CCDC66: variants seen among roughly 807,000 people sequenced by gnomAD.
CCDC66 encodes the protein coiled-coil domain containing 66.
Under a neutral mutation model 128.3 loss-of-function variants are expected in CCDC66, and 133 were observed. The ratio of observed to expected loss-of-function variants is 1.04; its 90% confidence interval spans 0.90 to 1.20. The LOEUF (loss-of-function observed/expected upper bound fraction) is 1.20. Among genes scored for constraint, CCDC66 ranks in the 50% most tolerant of loss-of-function variants. The pLI, the probability that CCDC66 is intolerant of heterozygous loss-of-function variation, is 0.00. For synonymous variants in CCDC66, 387 were observed against 357.0 expected (o/e 1.08, Z -0.95); for missense variants, 1,126 against 1,075.5 (o/e 1.05, Z -0.66).
Position 56,603,582 on chromosome 3 carries a change from G to A in CCDC66, c.1404+9554G>A, listed in dbSNP as rs1024798690. Among the ~76,000 whole-genome samples the A allele has an allele frequency of 6.6e-5, 10 of 152,028 alleles. 1 individual carries two copies. Among genetic ancestry groups the A allele is most frequent in the Admixed American group, 1.3e-4 (2 of 15,256 alleles). On this transcript the variant is annotated intron_variant, in intron 10 of 17. Coordinates refer to ENST00000394672, the MANE Select transcript of CCDC66 (RefSeq NM_001141947.3). ...CAGGAGCAGGTTGGTCATTTTCCAC[G>A]TAGTTGAGCGGTTTTGAGTGAGTTT...
chr3:56,574,360 T>C (rs1449961480), intron 7 of CCDC66, among the ~76,000 whole-genome samples: 1 of 37,970 alleles, frequency 2.6e-5, no homozygotes, highest in Non-Finnish European at 6.9e-5. Context: ...AGACTCTGTC[T>C]CAAAAAAAAA....
In CCDC66 at chr3:56,617,475, T is replaced by C. The variant is rs1234789296; in HGVS notation, c.2207T>C (p.Met736Thr). 3.7e-6 allele frequency: 6 copies of C among 1,613,940 alleles called. No homozygotes were observed. Among genetic ancestry groups the C allele is most frequent in the Non-Finnish European group, 5.1e-6 (6 of 1,179,998 alleles). ...QREEKKVRRQ[M>T]ELLHLVEKNN... ...GAAGAAAAAAAAGTAAGGAGGCAGA[T>C]GGAATTGCTTCATTTGGTAGAAAAA... Residue 736 changes from methionine (M) to threonine (T), a missense_variant, in exon 14 of 18, where the codon ATG becomes ACG. Physicochemically the swap from Met to Thr is moderately conservative, Grantham distance 81. Transcript: ENST00000394672.
chr3:56,566,988 T>C lies in CCDC66; in HGVS notation c.749T>C (p.Leu250Pro). 1 of 1,614,122 alleles carries C rather than the reference T, an allele frequency of 6.2e-7. No homozygotes were observed. The highest frequency in any genetic ancestry group is 8.5e-7 in the Non-Finnish European group (1 of 1,179,990). The stretch of plus-strand genomic sequence containing the variant: ...AAACCAGCTGATATATTCAGTACTC[T>C]GGGGGAAAGGGAATGTGATAGAAGT... Reference protein sequence around the residue: ...EWKPADIFSTLGERECDRSSL... With the variant: ...EWKPADIFSTPGERECDRSSL... The change falls in exon 6 of 18, where the codon CTG becomes CCG. Residue 250 changes from leucine to proline, a missense_variant. Coordinates refer to ENST00000394672, the MANE Select transcript of CCDC66 (RefSeq NM_001141947.3).
chr3:56,558,769 T>G (rs1319360151), intron 1 of CCDC66, 77 bp from the exon 2 acceptor site: 3 of 967,436 alleles, frequency 3.1e-6, no homozygotes, highest in Non-Finnish European at 4.9e-6. Flanking sequence ...TATTGTCAGG[T>G]TCAAATGAAC....
intron 10 of CCDC66, among the ~76,000 whole-genome samples, chr3:56,598,461 A>G (rs1435062362): frequency 6.6e-6 from 1 of 151,612 alleles, no homozygotes; most frequent in Non-Finnish European, 1.5e-5. Context: ...GTTGAATAAG[A>G]ATGGTGAAAG....
At chr3:56,614,764 C>T (rs1023642396) in intron 11 of CCDC66, among the ~76,000 whole-genome samples, 14 of 152,152 alleles carry the variant, frequency 9.2e-5, no homozygotes, top group Non-Finnish European at 1.9e-4. Context: ...AGCCAGTTAC[C>T]CCTAGGTAAC....
chr3:56,608,160 G>A (rs2074319958), intron 10 of CCDC66, among the ~76,000 whole-genome samples: 1 of 152,120 alleles, frequency 6.6e-6, no homozygotes, highest in Non-Finnish European at 1.5e-5. Context: ...AATGAATTAG[G>A]GAGGGTTCCT....
At chr3:56,584,801 C>T (rs62255980) in intron 7 of CCDC66, among the ~76,000 whole-genome samples, 7,549 of 152,004 alleles carry the variant, frequency 0.05, 252 homozygotes, top group East Asian at 0.099. Context: ...GCCTGGGCAA[C>T]ATTGAGCACT....
chr3:56,574,775 G>A (rs1365520985), intron 7 of CCDC66, among the ~76,000 whole-genome samples: 1 of 151,772 alleles, frequency 6.6e-6, no homozygotes, highest in Non-Finnish European at 1.5e-5. Flanking sequence ...TTGAACTCCT[G>A]GGTTCAAGTG....
chr3:56,613,561 A>G, intron 10 of CCDC66, 28 bp from the exon 11 acceptor site: 1 of 1,596,848 alleles, frequency 6.3e-7, no homozygotes, highest in East Asian at 2.2e-5. Context: ...TATTTTTGAC[A>G]ATGATTTACG....
rs2065900221 is a variant in CCDC66 at position 56,566,655 on chromosome 3, A to C, written c.606A>C (p.Gly202=). ...SNQPKDENIM[G]LFKKTEMVSS... ...AGCCAAAGGATGAGAACATTATGGG[A>C]TTATTCAAAAAAACTGAAATGGTTT... is the stretch of plus-strand genomic sequence containing the variant. Residue 202 remains glycine, a synonymous_variant, in exon 5 of 18, where the codon GGA becomes GGC. Coordinates refer to ENST00000394672, the MANE Select transcript of CCDC66 (RefSeq NM_001141947.3). 1 of 1,605,598 alleles carries C rather than the reference A, an allele frequency of 6.2e-7. No individual in the cohort carries two copies. The highest frequency in any genetic ancestry group is 8.5e-7 in the Non-Finnish European group (1 of 1,172,456).
chr3:56,558,136 T>C (rs142909155), intron 1 of CCDC66, among the ~76,000 whole-genome samples: 1 of 152,322 alleles, frequency 6.6e-6, no homozygotes, highest in East Asian at 1.9e-4. Flanking sequence ...AAATTTCGCA[T>C]TCCTAATCAG....
At chr3:56,617,715 G>A (rs989845863) in intron 14 of CCDC66, 110 bp downstream of exon 14, 6 of 1,364,358 alleles carry the variant, frequency 4.4e-6, no homozygotes, top group Non-Finnish European at 6.0e-6. Flanking sequence ...TTTACATTAG[G>A]GATCAGCAAA....
chr3:56,562,544 A>T (rs2065238150), intron 3 of CCDC66, among the ~76,000 whole-genome samples: 1 of 152,196 alleles, frequency 6.6e-6, no homozygotes, highest in Non-Finnish European at 1.5e-5. Context: ...ATAAAACAAT[A>T]AAAAAATTTT....
chr3:56,579,577 T>C (rs2067981049), intron 7 of CCDC66, among the ~76,000 whole-genome samples: 1 of 151,514 alleles, frequency 6.6e-6, no homozygotes, highest in African/African-American at 2.4e-5. Context: ...ACACACTGCT[T>C]TGAATGTGTC....
intron 12 of CCDC66, 31 bp from the exon 13 acceptor site, chr3:56,615,891 G>T (rs112775968): frequency 1.3e-6 from 2 of 1,554,414 alleles, no homozygotes; most frequent in Non-Finnish European, 1.7e-6. Flanking sequence ...TTCCTTAAGT[G>T]TTGTTTTATC....
chr3:56,574,016 T>C (rs1190732864), intron 7 of CCDC66, among the ~76,000 whole-genome samples: 3 of 151,810 alleles, frequency 2.0e-5, no homozygotes, highest in African/African-American at 7.2e-5. Flanking sequence ...TATCCAGGAC[T>C]GGACAACCAA....
At chr3:56,621,480 G>A in intron 17 of CCDC66, 52 bp from the exon 18 acceptor site, 1 of 1,127,710 alleles carries the variant, frequency 8.9e-7, no homozygotes, top group Non-Finnish European at 1.3e-6. Context: ...ACACAACATT[G>A]CAAGTCAGGT....
Position 56,615,969 on chromosome 3 carries a change from A to T in CCDC66, c.1759A>T (p.Arg587Ter). The T allele has an allele frequency of 6.3e-7, 1 of 1,599,426 alleles. No individual in the cohort carries two copies. Among genetic ancestry groups the T allele is most frequent in the Non-Finnish European group, 8.5e-7 (1 of 1,172,134 alleles). Reference sequence around the variant, plus strand: ...TAATGCATCTAACATTTCAAATTCAAGACATGATTCTGATGAAATCAGTGG... The same window carrying T: ...TAATGCATCTAACATTTCAAATTCATGACATGATTCTGATGAAATCAGTGG... The part of the protein sequence containing the change: ...EYNASNISNS[R>*]HDSDEISGKM... Residue 587 changes from arginine to a stop codon, truncating the protein, a stop_gained, in exon 13 of 18, where the codon AGA becomes TGA. Transcript: ENST00000394672. LOFTEE classifies it high-confidence loss of function.
Sources: gnomAD v4.1 joint callset for allele counts (sites outside exome capture counted in the v4.1 genomes callset) on GRCh38, gnomAD v4.1.1 for gene constraint, MANE v1.5 for transcripts, NCBI Gene and HGNC (gene_info 2026-07-23, HGNC 2026-07-21) for gene names.